TCF4: variants seen among roughly 807,000 people sequenced by gnomAD.
TCF4 encodes the protein transcription factor 4.
A neutral mutation model predicts 82.1 loss-of-function variants in TCF4; 3 were observed. The observed-to-expected ratio is 0.04, with a 90% CI of 0.02 to 0.09. The LOEUF is 0.09. TCF4 is among the 10% of genes least tolerant of loss of function. The pLI is 1.00. For missense variants in TCF4, 518 were observed against 852.7 expected (o/e 0.61, Z 4.89); for synonymous variants, 276 against 309.6 (o/e 0.89, Z 1.14).
At chr18:55,421,198 A>G (rs1251826165) in intron 5 of TCF4, among the ~76,000 whole-genome samples, 1 of 152,214 alleles carries the variant, frequency 6.6e-6, no homozygotes, top group East Asian at 1.9e-4. Flanking sequence ...ACATTTACAC[A>G]CATGCCTGTG....
chr18:55,615,744 T>C (rs951980447), intron 2 of TCF4, among the ~76,000 whole-genome samples: 2 of 152,140 alleles, frequency 1.3e-5, no homozygotes, highest in Non-Finnish European at 2.9e-5. Context: ...ATGTTGGAAT[T>C]GTCAACATCA....
intron 6 of TCF4, among the ~76,000 whole-genome samples, chr18:55,368,084 A>G (rs867975821): frequency 6.6e-6 from 1 of 152,180 alleles, no homozygotes; most frequent in South Asian, 2.1e-4. Flanking sequence ...TTACCCATGA[A>G]AAAACCTCAT....
chr18:55,524,639 C>T (rs1447120492), intron 3 of TCF4, among the ~76,000 whole-genome samples: 1 of 152,048 alleles, frequency 6.6e-6, no homozygotes, highest in African/African-American at 2.4e-5. Flanking sequence ...AAATAAAAAT[C>T]TATTGATGAA....
intron 5 of TCF4, among the ~76,000 whole-genome samples, chr18:55,408,642 C>T (rs2094205668): frequency 6.6e-6 from 1 of 152,142 alleles, no homozygotes; most frequent in South Asian, 2.1e-4. Context: ...ATTCAATCTG[C>T]ACAACCCCAT....
intron 3 of TCF4, among the ~76,000 whole-genome samples, chr18:55,570,044 G>A (rs1342077366): frequency 1.3e-5 from 2 of 152,032 alleles, no homozygotes; most frequent in South Asian, 2.1e-4. Context: ...ATGTGATACC[G>A]AGGCAAGGTA....
intron 8 of TCF4, among the ~76,000 whole-genome samples, chr18:55,317,748 A>G (rs1407829901): frequency 1.3e-5 from 2 of 152,120 alleles, no homozygotes; most frequent in Non-Finnish European, 2.9e-5. Context: ...GAGTTTCCCA[A>G]TTGAGAGATT....
At chr18:55,493,192 T>A (rs1386188372) in intron 3 of TCF4, among the ~76,000 whole-genome samples, 1 of 152,186 alleles carries the variant, frequency 6.6e-6, no homozygotes, top group Non-Finnish European at 1.5e-5. Flanking sequence ...CAAAGTCTAT[T>A]TTAAAAAACA....
At chr18:55,362,682 C>G (rs988162780) in intron 6 of TCF4, among the ~76,000 whole-genome samples, 28 of 152,152 alleles carry the variant, frequency 1.8e-4, no homozygotes, top group African/African-American at 6.3e-4. Context: ...AATAACTTTA[C>G]AGAGTTAGAA....
chr18:55,509,134 G>GT (rs1184707981), intron 3 of TCF4, among the ~76,000 whole-genome samples: 1 of 152,104 alleles, frequency 6.6e-6, no homozygotes, highest in Non-Finnish European at 1.5e-5. Flanking sequence ...TCTTATTTCT[G>GT]TAAGTCCTTA....
intron 8 of TCF4, among the ~76,000 whole-genome samples, chr18:55,324,905 G>A (rs139992005): frequency 0.023 from 3,465 of 152,184 alleles, 68 homozygotes; most frequent in Non-Finnish European, 0.035. Context: ...AAACCCACAC[G>A]ATTCTTATTT....
intron 8 of TCF4, among the ~76,000 whole-genome samples, chr18:55,300,674 T>C (rs1043384608): frequency 2.6e-5 from 4 of 152,140 alleles, no homozygotes; most frequent in African/African-American, 4.8e-5. Context: ...ATTGATACCA[T>C]ATGAGCCACA....
intron 6 of TCF4, among the ~76,000 whole-genome samples, chr18:55,382,014 C>G (rs1421658694): frequency 1.3e-5 from 2 of 151,748 alleles, no homozygotes; most frequent in African/African-American, 4.8e-5. Context: ...TGGCAAAGTC[C>G]CTTGACCTTC....
chr18:55,281,802 A>C (rs1278236104), intron 8 of TCF4, among the ~76,000 whole-genome samples: 1 of 151,842 alleles, frequency 6.6e-6, no homozygotes, highest in East Asian at 1.9e-4. Flanking sequence ...ATTTACAAGG[A>C]GGCTACTTTG....
chr18:55,503,927 T>A (rs1007743766), intron 3 of TCF4, among the ~76,000 whole-genome samples: 1 of 152,086 alleles, frequency 6.6e-6, no homozygotes, highest in Non-Finnish European at 1.5e-5. Context: ...ATATAAAAAT[T>A]AGCCAGGTGT....
intron 3 of TCF4, chr18:55,550,953 T>C (rs537716117): frequency 6.6e-6 from 1 of 152,290 alleles, no homozygotes; most frequent in Admixed American, 6.5e-5. Flanking sequence ...ATTCTTTTTT[T>C]TTTTCTATGA....
chr18:55,505,507 G>C (rs916322399), intron 3 of TCF4, among the ~76,000 whole-genome samples: 3 of 152,000 alleles, frequency 2.0e-5, no homozygotes, highest in African/African-American at 7.2e-5. Context: ...AGAAAACTGA[G>C]AAAAAATAGC....
At chr18:55,271,090 A>G (rs1261627141) in intron 10 of TCF4, among the ~76,000 whole-genome samples, 1 of 152,078 alleles carries the variant, frequency 6.6e-6, no homozygotes, top group Non-Finnish European at 1.5e-5. Context: ...CTCACGAGGA[A>G]TGAAACCATA....
At chr18:55,400,989 C>T (rs770231676) in intron 6 of TCF4, 16 of 1,288,998 alleles carry the variant, frequency 1.2e-5, no homozygotes, top group East Asian at 5.5e-5. Context: ...CTCCCCTCCA[C>T]GAGTCACTCA....
intron 3 of TCF4, among the ~76,000 whole-genome samples, chr18:55,516,237 A>C (rs1441041416): frequency 6.6e-6 from 1 of 152,142 alleles, no homozygotes; most frequent in East Asian, 1.9e-4. Context: ...CAACCTCAGT[A>C]TCCCTGACTC....
Sources: allele counts gnomAD v4.1 joint callset (sites outside exome capture counted in the v4.1 genomes callset), GRCh38; gene constraint gnomAD v4.1.1; transcripts MANE v1.5; gene names NCBI Gene and HGNC (gene_info 2026-07-23, HGNC 2026-07-21).